Variants in CXCL12 observed in about 807,000 individuals in gnomAD.
CXCL12 encodes the protein stromal cell-derived factor 1.
A neutral mutation model predicts 10.7 loss-of-function variants in CXCL12; 4 were observed. That is an observed-to-expected ratio of 0.37 (90% CI 0.18 to 0.86). The LOEUF (loss-of-function observed/expected upper bound fraction) is 0.86, where lower values mean the gene tolerates loss of function less well. Ranked by LOEUF, CXCL12 falls within the 40% of genes least tolerant of loss-of-function variation. The pLI is 0.43. For missense variants in CXCL12, 122 were observed against 110.4 expected (o/e 1.10, Z -0.47); for synonymous variants, 54 against 45.4 (o/e 1.19, Z -0.77).
At chr10:44,372,713 G>A, downstream of CXCL12, 4 of 1,427,134 alleles carry the variant, frequency 2.8e-6, no homozygotes, top group Non-Finnish European at 3.7e-6. Flanking sequence ...AGGATGTGGA[G>A]GTGCTCGGGA....
At position 44,377,991 on chromosome 10, in the gene CXCL12, G is replaced by A; in HGVS notation, c.*642C>T. On this transcript the variant is annotated 3_prime_UTR_variant, in exon 3 of 3. Transcript: ENST00000343575. ...GAATAGCTGGGAGAGGGGTCTCTGA[G>A]CACAGTCCCAGTAATAGTGGCTTCT... 1 of 1,512,062 alleles carries A rather than the reference G, an allele frequency of 6.6e-7. No individual in the cohort carries two copies. Among genetic ancestry groups the A allele is most frequent in the Non-Finnish European group, 8.8e-7 (1 of 1,141,298 alleles). The allele number at this position is 1,512,062 out of a possible 1,614,324, so 93.7% of individuals were successfully genotyped here.
At position 44,378,045 on chromosome 10, in the gene CXCL12, G is replaced by A; in HGVS notation, c.*588C>T. Reference sequence around the variant, plus strand: ...TGGAGCCCACAGAGCCAATCACTGAGGTTGAAAGAGGAGGTGAAGGCAGTG... The same window carrying A: ...TGGAGCCCACAGAGCCAATCACTGAAGTTGAAAGAGGAGGTGAAGGCAGTG... On this transcript the variant is annotated 3_prime_UTR_variant, in exon 3 of 3. Coordinates refer to ENST00000343575, the MANE Select transcript of CXCL12 (RefSeq NM_199168.4). 3 of 1,480,210 alleles carry A rather than the reference G, an allele frequency of 2.0e-6. No homozygotes were observed. The highest frequency in any genetic ancestry group is 2.7e-6 in the Non-Finnish European group (3 of 1,125,994). 91.7% of individuals were successfully genotyped at this position (1,480,210 alleles called of 1,614,324 possible). A position where few individuals can be genotyped will look rare whatever the true frequency, so the allele number is the denominator to read the frequency against.
At chr10:44,375,959 C>A (rs780461339), downstream of CXCL12, 15 of 1,612,928 alleles carry the variant, frequency 9.3e-6, no homozygotes, top group Admixed American at 3.3e-5. Flanking sequence ...CTTTTCTGGG[C>A]AGCCTTTCTC....
chr10:44,380,070 C>A (rs1839580638), intron 2 of CXCL12, among the ~76,000 whole-genome samples: 1 of 152,208 alleles, frequency 6.6e-6, no homozygotes. Context: ...TGAGCCCTCG[C>A]TTCCCCGTGT....
chr10:44,376,980 A>T (rs953607355), downstream of CXCL12: 15 of 426,522 alleles, frequency 3.5e-5, no homozygotes, highest in African/African-American at 2.8e-4. Context: ...AAAAGCCCAT[A>T]CACTGTCACA....
downstream of CXCL12, chr10:44,374,569 G>GGAAACA (rs1839401708): frequency 2.2e-6 from 1 of 456,034 alleles, no homozygotes; most frequent in South Asian, 1.5e-5. Flanking sequence ...GATAGCAGCG[G>GGAAACA]GAAACAAAGG....
intron 1 of CXCL12, among the ~76,000 whole-genome samples, chr10:44,383,831 C>A (rs1839712371): frequency 6.6e-6 from 1 of 152,212 alleles, no homozygotes; most frequent in Admixed American, 6.5e-5. Flanking sequence ...ACCAACCCAG[C>A]CAAGGGCTCG....
chr10:44,378,097 G>A lies in CXCL12; in HGVS notation c.*536C>T. 1 of 1,448,854 alleles carries A rather than the reference G, an allele frequency of 6.9e-7. No individual in the cohort carries two copies. The highest frequency in any genetic ancestry group is 2.5e-5 in the East Asian group (1 of 40,006). 89.7% of individuals were successfully genotyped at this position (1,448,854 alleles called of 1,614,324 possible). A position where few individuals can be genotyped will look rare whatever the true frequency, so the allele number is the denominator to read the frequency against. On this transcript the variant is annotated 3_prime_UTR_variant, in exon 3 of 3. Transcript: ENST00000343575. Reference sequence around the variant, plus strand: ...CGGCGCCCAGCCCCAGTCGGTATCTGAGTGCCACAGAGGCCTTCCTCTTGG... The same window carrying A: ...CGGCGCCCAGCCCCAGTCGGTATCTAAGTGCCACAGAGGCCTTCCTCTTGG...
At chr10:44,384,829 C>G in intron 1 of CXCL12, 116 bp downstream of exon 1, 1 of 1,011,770 alleles carries the variant, frequency 9.9e-7, no homozygotes, top group Non-Finnish European at 1.4e-6. Flanking sequence ...GCTGCCTCCA[C>G]CCCCACTGTG....
In CXCL12 at chr10:44,377,782, T is replaced by C. The variant is rs781303350; in HGVS notation, c.*851A>G. 3 of 1,598,232 alleles carry C rather than the reference T, an allele frequency of 1.9e-6. No individual in the cohort carries two copies. The highest frequency in any genetic ancestry group is 1.3e-5 in the African/African-American group (1 of 75,040). ...CCCCAGGAGAGGGCCAGCTCCATTC[T>C]GGAGGAGGCCAAAGACGGATCTCAC... On this transcript the variant is annotated 3_prime_UTR_variant, in exon 3 of 3. Coordinates refer to ENST00000343575, the MANE Select transcript of CXCL12 (RefSeq NM_199168.4).
Position 44,378,292 on chromosome 10 carries a change from G to C in CXCL12, c.*341C>G, listed in dbSNP as rs760282549. 12 of 1,471,528 alleles carry C rather than the reference G, an allele frequency of 8.2e-6. No individual in the cohort carries two copies. The South Asian group carries it at 1.0e-4, about 12-fold the overall frequency. 91.2% of individuals were successfully genotyped at this position (1,471,528 alleles called of 1,614,324 possible). On this transcript the variant is annotated 3_prime_UTR_variant, in exon 3 of 3. Transcript: ENST00000343575. ...TCGTTGATTTAAAAAATGAGAATGA[G>C]AATGATGATGATTGTGATGATCATG...
chr10:44,375,900 G>C (rs1220682127), downstream of CXCL12: 5 of 1,608,416 alleles, frequency 3.1e-6, no homozygotes, highest in Non-Finnish European at 3.4e-6. Context: ...AAAGCGCCGA[G>C]AGCAAGTGAA....
chr10:44,384,044 A>G (rs1391791174), intron 1 of CXCL12, among the ~76,000 whole-genome samples: 2 of 152,216 alleles, frequency 1.3e-5, no homozygotes, highest in Admixed American at 6.5e-5. Context: ...AAAGAAAAGA[A>G]AAAAGCCCTC....
At chr10:44,380,905 C>T (rs1383133130) in intron 1 of CXCL12, 25 bp from the exon 2 acceptor site, 6 of 1,591,140 alleles carry the variant, frequency 3.8e-6, no homozygotes, top group Non-Finnish European at 5.2e-6. Flanking sequence ...GACAACAAGG[C>T]ACTTTACTAC....
downstream of CXCL12, chr10:44,372,757 A>C (rs1450223952): frequency 7.0e-7 from 1 of 1,437,754 alleles, no homozygotes; most frequent in Admixed American, 2.8e-5. Context: ...CTGGCCTCAC[A>C]CTGCTGCCTC....
intron 1 of CXCL12, among the ~76,000 whole-genome samples, chr10:44,384,299 C>A (rs965563661): frequency 8.5e-5 from 13 of 152,234 alleles, no homozygotes; most frequent in African/African-American, 2.9e-4. Flanking sequence ...CGCGTCGCTG[C>A]GGACCGCGGA....
chr10:44,372,534 A>T (rs1183286932), downstream of CXCL12: 14 of 750,980 alleles, frequency 1.9e-5, no homozygotes, highest in East Asian at 8.9e-4. Context: ...ATTCCAAACA[A>T]GACACAGATG....
At chr10:44,372,648 C>T, downstream of CXCL12, 5 of 1,366,976 alleles carry the variant, frequency 3.7e-6, no homozygotes, top group Non-Finnish European at 4.7e-6. Context: ...GCCATGGAGA[C>T]AGTCGTGGAC....
chr10:44,370,600 G>T (rs1347994879), exon 4 of CXCL12: 1 of 152,216 alleles, frequency 6.6e-6, no homozygotes, highest in Non-Finnish European at 1.5e-5. Flanking sequence ...TAGCACCTGG[G>T]AAAGGCGATC....
Sources: gnomAD v4.1 joint callset for allele counts (sites outside exome capture counted in the v4.1 genomes callset) on GRCh38, gnomAD v4.1.1 for gene constraint, MANE v1.5 for transcripts, NCBI Gene and HGNC (gene_info 2026-07-23, HGNC 2026-07-21) for gene names.